Variants in KAZN observed in about 807,000 individuals in gnomAD.
KAZN encodes kazrin.
KAZN carries 40 observed loss-of-function variants against 87.4 expected under a neutral mutation model. That is an observed-to-expected ratio of 0.46 (90% CI 0.36 to 0.60). KAZN has a LOEUF of 0.60. Among genes scored for constraint, KAZN ranks in the 20% least tolerant of loss-of-function variants. The pLI, the probability that KAZN is intolerant of heterozygous loss-of-function variation, is 0.00. For synonymous variants in KAZN, 466 were observed against 458.3 expected, an observed-to-expected ratio of 1.02 and a Z score of -0.22; for missense variants, 898 against 1,073.9, an observed-to-expected ratio of 0.84 and a Z score of 2.29.
intron 1 of KAZN, among the ~76,000 whole-genome samples, chr1:13,915,913 G>A (rs776234226): frequency 6.6e-6 from 1 of 152,200 alleles, no homozygotes; most frequent in African/African-American, 2.4e-5. Context: ...CAATTCAGAT[G>A]GCATTAGGGA....
chr1:14,411,595 C>A (rs1316087427), intron 2 of KAZN, among the ~76,000 whole-genome samples: 1 of 152,210 alleles, frequency 6.6e-6, no homozygotes, highest in Non-Finnish European at 1.5e-5. Flanking sequence ...CCACCGCGCT[C>A]CCCTGGCAAG....
chr1:14,503,877 C>A (rs983527875), intron 2 of KAZN, among the ~76,000 whole-genome samples: 2 of 152,110 alleles, frequency 1.3e-5, no homozygotes, highest in African/African-American at 4.8e-5. Context: ...AACTTCCCAC[C>A]CCCTGGTCTG....
intron 1 of KAZN, among the ~76,000 whole-genome samples, chr1:14,175,574 A>G (rs1187691018): frequency 2.0e-5 from 3 of 152,210 alleles, no homozygotes; most frequent in Non-Finnish European, 4.4e-5. Context: ...TGGAACAAGG[A>G]TAGAACGAGT....
intron 1 of KAZN, among the ~76,000 whole-genome samples, chr1:14,021,170 C>T (rs951629398): frequency 6.6e-6 from 1 of 152,148 alleles, no homozygotes; most frequent in African/African-American, 2.4e-5. Context: ...CATCCTTGGC[C>T]TCTGTCCACT....
intron 2 of KAZN, among the ~76,000 whole-genome samples, chr1:14,511,878 CATAA>C (rs912436016): frequency 3.3e-5 from 5 of 152,142 alleles, no homozygotes; most frequent in African/African-American, 1.2e-4. Context: ...CTGCATTCAA[CATAA>C]ATAAACGCAT....
chr1:14,500,430 C>T (rs529816008), intron 2 of KAZN, among the ~76,000 whole-genome samples: 1 of 152,166 alleles, frequency 6.6e-6, no homozygotes, highest in Non-Finnish European at 1.5e-5. Context: ...AGTAGTACAA[C>T]CTTGTATTTA....
At position 14,323,847 on chromosome 1, in the gene KAZN, T is replaced by C. The variant is rs1330184690; in HGVS notation, c.249+143255T>C. Among the ~76,000 whole-genome samples the C allele has an allele frequency of 2.0e-5, 3 of 152,192 alleles. No individual in the cohort carries two copies. The East Asian group carries it at 5.8e-4, about 29-fold the overall frequency. On this transcript the variant is annotated intron_variant, in intron 2 of 16. Coordinates refer to the KAZN transcript ENST00000636203. ...CCTTTCATTTGACCCTTGCCCCAGATTGAGTTTTAATTGAGTTTTATTGCT... is the reference window on the plus strand; with the variant it reads ...CCTTTCATTTGACCCTTGCCCCAGACTGAGTTTTAATTGAGTTTTATTGCT...
intron 1 of KAZN, among the ~76,000 whole-genome samples, chr1:14,053,455 T>G (rs1019589109): frequency 6.6e-6 from 1 of 152,196 alleles, no homozygotes; most frequent in Non-Finnish European, 1.5e-5. Flanking sequence ...GGTGCTGTCA[T>G]GAGCAGCTAT....
chr1:15,017,969 C>T (rs1670293631), intron 2 of KAZN, among the ~76,000 whole-genome samples: 1 of 152,170 alleles, frequency 6.6e-6, no homozygotes, highest in Non-Finnish European at 1.5e-5. Flanking sequence ...CATATACTAA[C>T]TTATTGATCT....
At chr1:14,570,838 T>C (rs1015609988) in intron 2 of KAZN, among the ~76,000 whole-genome samples, 6 of 152,172 alleles carry the variant, frequency 3.9e-5, no homozygotes, top group African/African-American at 1.4e-4. Flanking sequence ...CATCTTATAT[T>C]CGCACCAGCA....
At chr1:14,115,762 GTGGAAAATT>G (rs1381570281) in intron 1 of KAZN, among the ~76,000 whole-genome samples, 1 of 124,130 alleles carries the variant, frequency 8.1e-6, no homozygotes, top group Admixed American at 8.8e-5. Flanking sequence ...ACAGGAAAAT[GTGGAAAATT>G]TGGAACTTCC....
intron 2 of KAZN, among the ~76,000 whole-genome samples, chr1:15,018,079 T>C (rs985951831): frequency 6.6e-6 from 1 of 152,108 alleles, no homozygotes; most frequent in Admixed American, 6.5e-5. Flanking sequence ...CCCTCCATTT[T>C]TCTGGGCCAC....
intron 2 of KAZN, among the ~76,000 whole-genome samples, chr1:14,572,412 T>C (rs1050357255): frequency 9.2e-5 from 14 of 152,304 alleles, no homozygotes; most frequent in African/African-American, 3.1e-4. Flanking sequence ...CCTTGAGGCT[T>C]CCTGGGTGAA....
chr1:13,953,465 C>G (rs953357777), intron 1 of KAZN, among the ~76,000 whole-genome samples: 2 of 152,112 alleles, frequency 1.3e-5, no homozygotes, highest in Non-Finnish European at 2.9e-5. Flanking sequence ...GGTTGTTTGT[C>G]TGATTAAAGA....
intron 2 of KAZN, among the ~76,000 whole-genome samples, chr1:14,310,767 A>G (rs1655228052): frequency 6.6e-6 from 1 of 152,180 alleles, no homozygotes; most frequent in African/African-American, 2.4e-5. Flanking sequence ...TCCCAGGAAA[A>G]AGAAGGTTTT....
intron 1 of KAZN, among the ~76,000 whole-genome samples, chr1:14,808,463 ATT>A (rs1209244625): frequency 4.2e-5 from 6 of 142,722 alleles, no homozygotes; most frequent in Non-Finnish European, 3.1e-5. Flanking sequence ...CGGTCGGCTA[ATT>A]TTTTTTTTTT....
At chr1:14,014,079 T>C (rs530580392) in intron 1 of KAZN, among the ~76,000 whole-genome samples, 70 of 152,322 alleles carry the variant, frequency 4.6e-4, no homozygotes, top group African/African-American at 1.6e-3. Flanking sequence ...CTTTTTGTAA[T>C]TTTTCTATTT....
intron 1 of KAZN, among the ~76,000 whole-genome samples, chr1:14,936,803 A>C (rs1660508886): frequency 6.6e-6 from 1 of 152,140 alleles, no homozygotes; most frequent in East Asian, 1.9e-4. Flanking sequence ...CCCTGTCCCC[A>C]GATGCGACAA....
intron 1 of KAZN, among the ~76,000 whole-genome samples, chr1:14,045,223 C>T (rs1009410951): frequency 6.6e-6 from 1 of 152,154 alleles, no homozygotes; most frequent in Non-Finnish European, 1.5e-5. Context: ...GTGTTGCTTT[C>T]AGCCACTAAG....
Sources: allele counts gnomAD v4.1 joint callset (sites outside exome capture counted in the v4.1 genomes callset), GRCh38; gene constraint gnomAD v4.1.1; transcripts MANE v1.5; gene names NCBI Gene and HGNC (gene_info 2026-07-23, HGNC 2026-07-21).